PC: variants seen among roughly 807,000 people sequenced by gnomAD.
PC encodes pyruvate carboxylase, mitochondrial.
In PC, 46 loss-of-function variants were observed where a neutral mutation model predicts 107.8. The ratio of observed to expected loss-of-function variants is 0.43; its 90% CI spans 0.34 to 0.55. The LOEUF (loss-of-function observed/expected upper bound fraction) is 0.55. Among genes scored for constraint, PC ranks in the 20% least tolerant of loss-of-function variants. PC has a pLI of 0.04. For synonymous variants in PC, 662 were observed against 684.7 expected (o/e 0.97, Z 0.52); for missense variants, 1,241 against 1,643.1 (o/e 0.76, Z 4.23).
Position 66,852,846 on chromosome 11 carries a change from A to G in PC, c.1514-10T>C, listed in dbSNP as rs1482242265. 1 of 1,555,358 alleles carries G rather than the reference A, an allele frequency of 6.4e-7. No individual in the cohort carries two copies. The highest frequency in any genetic ancestry group is 1.8e-5 in the Admixed American group (1 of 55,002). ...TTTACCATGACATGGCCTGGGGAGA[A>G]AGCGGGCAGTGGGTCAGGGTGGGCT... is the stretch of plus-strand genomic sequence containing the variant. On this transcript the variant is annotated splice_polypyrimidine_tract_variant and intron_variant, in intron 13 of 22. Coordinates refer to ENST00000393960, the MANE Select transcript of PC (RefSeq NM_001040716.2). This position sits in a 1 kb window ranked among gnomAD's most constrained non-coding sequence, Gnocchi z 4.7.
chr11:66,918,371 A>G (rs1374167745), intron 3 of PC, among the ~76,000 whole-genome samples: 1 of 151,954 alleles, frequency 6.6e-6, no homozygotes, highest in Non-Finnish European at 1.5e-5. Context: ...CTTATTTCAA[A>G]AAACATATAC....
At chr11:66,948,012 A>AAGATT (rs1555050594) in intron 3 of PC, among the ~76,000 whole-genome samples, 2 of 134,624 alleles carry the variant, frequency 1.5e-5, no homozygotes, top group African/African-American at 5.6e-5. Flanking sequence ...ATCTCTACTA[A>AAGATT]AGATAGATAG....
chr11:66,884,855 G>A (rs1947305198), intron 3 of PC, among the ~76,000 whole-genome samples: 2 of 152,306 alleles, frequency 1.3e-5, no homozygotes, highest in East Asian at 1.9e-4. Flanking sequence ...GGGCACCAAA[G>A]ACTCAATTCT....
At chr11:66,930,922 A>G (rs549517023) in intron 3 of PC, among the ~76,000 whole-genome samples, 36 of 152,284 alleles carry the variant, frequency 2.4e-4, no homozygotes, top group African/African-American at 8.4e-4. Flanking sequence ...GTGCATCCAC[A>G]TGGACGAATC....
At chr11:66,921,889 G>A (rs888451500) in intron 3 of PC, among the ~76,000 whole-genome samples, 2 of 152,154 alleles carry the variant, frequency 1.3e-5, no homozygotes, top group Admixed American at 6.5e-5. Context: ...TTCTAATCTC[G>A]TTTTCCCCAC....
At chr11:66,957,513 G>A (rs1391233178) in intron 1 of PC, among the ~76,000 whole-genome samples, 1 of 152,216 alleles carries the variant, frequency 6.6e-6, no homozygotes, top group African/African-American at 2.4e-5. Flanking sequence ...AGCACTGGGG[G>A]ACTGTGGCAG....
At chr11:66,860,150 G>T in intron 12 of PC, 1 of 1,549,062 alleles carries the variant, frequency 6.5e-7, no homozygotes. Flanking sequence ...CAGGGTGCCG[G>T]GGGGTAGGAG....
Position 66,866,207 on chromosome 11 carries a change from G to T in PC, c.1165C>A (p.Pro389Thr). Residue 389 changes from proline to threonine, a missense_variant, in exon 11 of 23, where the codon CCG (proline) becomes ACG (threonine). This residue lies in a region of PC where 1,143 missense variants were observed against 1,551.9 expected (regional missense o/e 0.74). Coordinates refer to ENST00000393960, the MANE Select transcript of PC (RefSeq NM_001040716.2). This position sits in a 1 kb window ranked among gnomAD's most constrained non-coding sequence, Gnocchi z 5.4. ...TTEDPARSFQ[P>T]DTGRIEVFRS... ...CCCACCTCAATGCGGCCGGTGTCCG[G>T]CTGGAAGCTGCGCGCGGGGTCCTCG... The T allele has an allele frequency of 6.2e-7, 1 of 1,610,060 alleles. No homozygotes were observed. The highest frequency in any genetic ancestry group is 8.5e-7 in the Non-Finnish European group (1 of 1,179,482).
chr11:66,906,620 C>A (rs1395055566), intron 3 of PC, among the ~76,000 whole-genome samples: 1 of 151,968 alleles, frequency 6.6e-6, no homozygotes, highest in Non-Finnish European at 1.5e-5. Context: ...ACCTCCATCC[C>A]CCCAGTCTTT....
Position 66,951,735 on chromosome 11 carries a change from C to T in PC, c.-1+695G>A, listed in dbSNP as rs997007760. On this transcript the variant is annotated intron_variant, in intron 3 of 22. Transcript: ENST00000393960. ...TAAAACCCCGTCTCTACTAAAAATACAAAAATTAGCTGGGCATGGCAGCAC... is the reference window on the plus strand; with the variant it reads ...TAAAACCCCGTCTCTACTAAAAATATAAAAATTAGCTGGGCATGGCAGCAC... Among the ~76,000 whole-genome samples, 3 of 152,012 alleles carry T rather than the reference C, an allele frequency of 2.0e-5. No homozygotes were observed. The East Asian group carries it at 5.8e-4, about 29-fold the overall frequency.
chr11:66,853,483 G>A, intron 12 of PC, 100 bp from the exon 13 acceptor site: 4 of 1,408,474 alleles, frequency 2.8e-6, no homozygotes, highest in African/African-American at 1.4e-5. Context: ...ATGCTGCCCT[G>A]GGCCAGCACA....
In PC at chr11:66,860,549, G is replaced by A. The variant is rs148024674; in HGVS notation, c.1368+3225C>T. Reference sequence around the variant, plus strand: ...AGGACACGGGCCGCTGGTGGCACACGGACAAGGGTGGGGCTACCAGGGCCG... The same window carrying A: ...AGGACACGGGCCGCTGGTGGCACACAGACAAGGGTGGGGCTACCAGGGCCG... On this transcript the variant is annotated intron_variant, in intron 12 of 22. Coordinates refer to ENST00000393960, the MANE Select transcript of PC (RefSeq NM_001040716.2). 3,688 of 701,826 alleles carry A rather than the reference G, an allele frequency of 5.3e-3. 18 individuals carry two copies. The highest frequency in any genetic ancestry group is 7.8e-3 in the Non-Finnish European group (2,988 of 384,912). The allele number at this position is 701,826 out of a possible 1,614,324, so 43.5% of individuals were successfully genotyped here. A position where few individuals can be genotyped will look rare whatever the true frequency, so the allele number is the denominator to read the frequency against.
chr11:66,870,392 G>A lies in PC; in HGVS notation c.813C>T (p.His271=), dbSNP rs749892290. 17 of 1,613,638 alleles carry A rather than the reference G, an allele frequency of 1.1e-5. No individual in the cohort carries two copies. The highest frequency in any genetic ancestry group is 3.3e-5 in the South Asian group (3 of 91,086). The change falls in exon 9 of 23, where the codon CAC becomes CAT. Residue 271 remains histidine, a synonymous_variant. Transcript: ENST00000393960. This position sits in a 1 kb window ranked among gnomAD's most constrained non-coding sequence, Gnocchi z 6.1. ...YERDCSIQRR[H]QKVVEIAPAA... ...CGGGGGCAATCTCGACCACCTTCTG[G>A]TGCCGCCGCTGGATGGAGCAGTCTC...
chr11:66,856,918 G>C (rs1945878051), intron 12 of PC: 2 of 146,738 alleles, frequency 1.4e-5, no homozygotes, highest in South Asian at 2.1e-4. Context: ...GCGCCGGCCC[G>C]GGCCTCGGGC....
intron 3 of PC, among the ~76,000 whole-genome samples, chr11:66,932,455 T>C (rs1948882476): frequency 6.6e-6 from 1 of 152,180 alleles, no homozygotes; most frequent in African/African-American, 2.4e-5. Flanking sequence ...AGCCCAGGGT[T>C]CCACAGAGAC....
At chr11:66,863,178 A>G (rs1330915597) in intron 12 of PC, among the ~76,000 whole-genome samples, 2 of 152,118 alleles carry the variant, frequency 1.3e-5, no homozygotes, top group Admixed American at 6.6e-5. Context: ...CCCGTCTACT[A>G]AAAATACAAA....
chr11:66,914,043 C>T (rs977265708), intron 3 of PC, among the ~76,000 whole-genome samples: 3 of 152,174 alleles, frequency 2.0e-5, no homozygotes, highest in Non-Finnish European at 2.9e-5. Flanking sequence ...AGGTACGTCT[C>T]GTTTCCTCCT....
chr11:66,851,643 G>T (rs916151096), intron 16 of PC, 147 bp downstream of exon 16: 59 of 870,454 alleles, frequency 6.8e-5, no homozygotes, highest in Non-Finnish European at 1.0e-4. Flanking sequence ...TACACTTCTC[G>T]ATATTTCCAA....
chr11:66,870,715 G>T lies in PC; in HGVS notation c.751+60C>A. The T allele has an allele frequency of 6.7e-7, 1 of 1,489,754 alleles. No homozygotes were observed. Among genetic ancestry groups the T allele is most frequent in the Non-Finnish European group, 9.3e-7 (1 of 1,075,808 alleles). The allele number at this position is 1,489,754 out of a possible 1,614,324, so 92.3% of individuals were successfully genotyped here. A position where few individuals can be genotyped will look rare whatever the true frequency, so the allele number is the denominator to read the frequency against. Reference sequence around the variant, plus strand: ...AAGGCCAGCCACTGTGACGGCACCAGGACTGGGCCTCTCAGCTCCCGCCTC... The same window carrying T: ...AAGGCCAGCCACTGTGACGGCACCATGACTGGGCCTCTCAGCTCCCGCCTC... On this transcript the variant is annotated intron_variant, in intron 8 of 22. Coordinates refer to ENST00000393960, the MANE Select transcript of PC (RefSeq NM_001040716.2). This position sits in a 1 kb window ranked among gnomAD's most constrained non-coding sequence, Gnocchi z 6.1.
Sources: allele counts gnomAD v4.1 joint callset (sites outside exome capture counted in the v4.1 genomes callset), GRCh38; gene constraint gnomAD v4.1.1; regional missense constraint gnomAD v4.1.1; non-coding constraint Gnocchi (gnomAD v3.1); transcripts MANE v1.5; gene names NCBI Gene and HGNC (gene_info 2026-07-23, HGNC 2026-07-21).